Variants in CCDC27 observed in about 807,000 individuals in gnomAD.
CCDC27 encodes coiled-coil domain-containing protein 27.
Under a neutral mutation model 80.3 loss-of-function variants are expected in CCDC27, and 80 were observed. The ratio of observed to expected loss-of-function variants is 1.00; its 90% CI spans 0.83 to 1.20. The LOEUF (loss-of-function observed/expected upper bound fraction) is 1.20. Ranked by LOEUF, CCDC27 falls within the 50% of genes most tolerant of loss-of-function variation. The probability of loss-of-function intolerance (pLI) is 0.00; values close to 1 mark genes in which losing one functional copy is unlikely to be tolerated. For synonymous variants in CCDC27, 342 were observed against 334.3 expected (o/e 1.02, Z -0.25); for missense variants, 815 against 809.4 (o/e 1.01, Z -0.08).
intron 8 of CCDC27, among the ~76,000 whole-genome samples, chr1:3,764,139 C>A (rs955305817): frequency 6.6e-6 from 1 of 152,222 alleles, no homozygotes; most frequent in Non-Finnish European, 1.5e-5. Context: ...CATCTCCTGG[C>A]CCCTGAGTCC....
intron 3 of CCDC27, chr1:3,756,420 C>A: frequency 4.1e-6 from 1 of 243,738 alleles, no homozygotes; most frequent in Admixed American, 5.2e-5. Flanking sequence ...GAGACAGCAT[C>A]AGGATGACCC....
rs202115446 is a variant in CCDC27 at position 3,763,338 on chromosome 1, C to T, written c.1185C>T (p.Ile395=). The change falls in exon 7 of 12, where the codon ATC becomes ATT. Residue 395 remains isoleucine, a synonymous_variant. Coordinates refer to ENST00000294600, the MANE Select transcript of CCDC27 (RefSeq NM_152492.3). The surrounding 1 kb of genome is among the most constrained non-coding windows in gnomAD (Gnocchi z 7.5). ...GGGAGCTGCCGGAGGAAGAGGAGAT[C>T]CCCAGGAGAAGGGCCTCCTCCCTGG... ...EERELPEEEE[I]PRRRASSLAE... is the part of the protein sequence containing the mutation. The T allele has an allele frequency of 6.2e-7, 1 of 1,612,936 alleles. No homozygotes were observed. Among genetic ancestry groups the T allele is most frequent in the Admixed American group, 1.7e-5 (1 of 59,910 alleles).
At position 3,763,286 on chromosome 1, in the gene CCDC27, G is replaced by A; in HGVS notation, c.1133G>A (p.Gly378Glu). Residue 378 changes from glycine (G) to glutamate (E), a missense_variant, in exon 7 of 12, where the codon GGG becomes GAG. Gly to Glu is a moderately conservative substitution (Grantham distance 98, BLOSUM62 -2). Transcript: ENST00000294600. This position sits in a 1 kb window ranked among gnomAD's most constrained non-coding sequence, Gnocchi z 7.5. ...EGSEEEEEEE[G>E]DRDEDSEERE... ...AGCGAGGAGGAGGAAGAGGAGGAAG[G>A]GGACAGGGATGAGGACTCAGAGGAA... 1 of 1,597,752 alleles carries A rather than the reference G, an allele frequency of 6.3e-7. No individual in the cohort carries two copies. Among genetic ancestry groups the A allele is most frequent in the Non-Finnish European group, 8.5e-7 (1 of 1,171,718 alleles).
chr1:3,769,753 C>T lies in CCDC27; in HGVS notation c.1744-30C>T, dbSNP rs771227397. The T allele has an allele frequency of 9.5e-5, 147 of 1,548,798 alleles. No individual in the cohort carries two copies. The highest frequency in any genetic ancestry group is 1.2e-4 in the African/African-American group (9 of 73,502). ...GGCCAGGTGCCTTCTTGGGTAAAGG[C>T]GAATGATAGTGTTGTCCCTTTGCTC... On this transcript the variant is annotated intron_variant, in intron 10 of 11. Coordinates refer to ENST00000294600, the MANE Select transcript of CCDC27 (RefSeq NM_152492.3). The surrounding 1 kb of genome is among the most constrained non-coding windows in gnomAD (Gnocchi z 4.6).
At chr1:3,754,537 TGGA>T (rs1642906599) in intron 2 of CCDC27, among the ~76,000 whole-genome samples, 1 of 151,492 alleles carries the variant, frequency 6.6e-6, no homozygotes. Flanking sequence ...GCTAGGGGAG[TGGA>T]AATGGTTGAA....
At chr1:3,753,786 C>A (rs1642880175) in intron 1 of CCDC27, among the ~76,000 whole-genome samples, 1 of 152,144 alleles carries the variant, frequency 6.6e-6, no homozygotes, top group South Asian at 2.1e-4. Context: ...TGACCAGCAG[C>A]ATGTGTGGGT....
Position 3,755,447 on chromosome 1 carries a change from C to T in CCDC27, c.443-10C>T. 1 of 1,611,558 alleles carries T rather than the reference C, an allele frequency of 6.2e-7. No individual in the cohort carries two copies. Among genetic ancestry groups the T allele is most frequent in the Non-Finnish European group, 8.5e-7 (1 of 1,177,704 alleles). On this transcript the variant is annotated splice_polypyrimidine_tract_variant and intron_variant, in intron 2 of 11. Transcript: ENST00000294600. ...AGCAGTCACCAGATGGCATCTTTAA[C>T]ACTCTACAGGTTCACCCACTGAGGC...
intron 11 of CCDC27, among the ~76,000 whole-genome samples, chr1:3,770,559 G>T (rs1326478823): frequency 6.6e-6 from 1 of 152,246 alleles, no homozygotes; most frequent in Non-Finnish European, 1.5e-5. Flanking sequence ...ATGGCTCTGT[G>T]TGGGGCTGTG....
Position 3,766,543 on chromosome 1 carries a change from C to A in CCDC27, c.1461C>A (p.Asn487Lys), listed in dbSNP as rs1363141363. 1.2e-6 allele frequency: 2 copies of A among 1,613,578 alleles called. No homozygotes were observed. The highest frequency in any genetic ancestry group is 1.7e-5 in the Admixed American group (1 of 59,948). ...QLQAMTDKFS[N>K]LREDKKHQEM... Reference sequence around the variant, plus strand: ...CTTCTGTCTCCTTCCAGTTCTCCAACCTCCGAGAAGATAAGAAACACCAAG... The same window carrying A: ...CTTCTGTCTCCTTCCAGTTCTCCAAACTCCGAGAAGATAAGAAACACCAAG... Residue 487 changes from asparagine to lysine, a missense_variant, in exon 9 of 12, where the codon AAC (asparagine) becomes AAA (lysine). By Grantham distance (94) the Asn-to-Lys change is moderately conservative. Coordinates refer to ENST00000294600, the MANE Select transcript of CCDC27 (RefSeq NM_152492.3). The surrounding 1 kb of genome is among the most constrained non-coding windows in gnomAD (Gnocchi z 6.1).
rs1426068935 is a variant in CCDC27 at position 3,769,101 on chromosome 1, G to A, written c.1744-682G>A. On this transcript the variant is annotated intron_variant, in intron 10 of 11. Coordinates refer to ENST00000294600, the MANE Select transcript of CCDC27 (RefSeq NM_152492.3). This position sits in a 1 kb window ranked among gnomAD's most constrained non-coding sequence, Gnocchi z 4.6. ...ACGAGGAACTCGTGCTGAGCGTGCC[G>A]CATAACTCAAGGGGTTCCTGTCTGA... is the stretch of plus-strand genomic sequence containing the variant. 1.3e-5 allele frequency among the ~76,000 whole-genome samples: 2 copies of A among 152,182 alleles called. No individual in the cohort carries two copies. The highest frequency in any genetic ancestry group is 4.8e-5 in the African/African-American group (2 of 41,430).
In CCDC27 at chr1:3,763,449, C is replaced by G. The variant is rs537823558; in HGVS notation, c.1296C>G (p.Thr432=). 1 of 1,608,286 alleles carries G rather than the reference C, an allele frequency of 6.2e-7. No individual in the cohort carries two copies. Among genetic ancestry groups the G allele is most frequent in the Admixed American group, 1.7e-5 (1 of 59,608 alleles). The change falls in exon 7 of 12, where the codon ACC becomes ACG. Residue 432 remains threonine (T), a synonymous_variant. Transcript: ENST00000294600. This position sits in a 1 kb window ranked among gnomAD's most constrained non-coding sequence, Gnocchi z 7.5. ...ILDFQFNLEA[T]RTRYSLATGV... ...ACTTCCAGTTCAACCTGGAGGCCAC[C>G]AGGACCAGATACTCCCTTGCAACAG...
intron 1 of CCDC27, 81 bp downstream of exon 1, chr1:3,752,880 C>A: frequency 6.9e-7 from 1 of 1,451,794 alleles, no homozygotes; most frequent in Non-Finnish European, 9.3e-7. Flanking sequence ...ATAGAGCTGT[C>A]AGCCCACAAA....
rs1252078568 is a variant in CCDC27, at chr1:3,771,561, G to C, written c.*38G>C. On this transcript the variant is annotated 3_prime_UTR_variant, in exon 12 of 12. Transcript: ENST00000294600. ...CCCCAAATACGGTCAGCCCAGCAGA[G>C]GCCGGGGCCCAGCTCCAGAACCACC... 6 of 1,607,734 alleles carry C rather than the reference G, an allele frequency of 3.7e-6. No homozygotes were observed. Among genetic ancestry groups the C allele is most frequent in the Non-Finnish European group, 5.1e-6 (6 of 1,178,522 alleles).
chr1:3,767,284 G>A lies in CCDC27; in HGVS notation c.1582G>A (p.Glu528Lys). Reference sequence around the variant, plus strand: ...CACCAAGCGGGACTGTGTCATCTCAGAGTTGGACACCAAGGTCAGCCAGCT... The same window carrying A: ...CACCAAGCGGGACTGTGTCATCTCAAAGTTGGACACCAAGGTCAGCCAGCT... ...KLTKRDCVIS[E>K]LDTKVSQLQE... Residue 528 changes from glutamate to lysine, a missense_variant, in exon 10 of 12, where the codon GAG becomes AAG. Glu to Lys is a moderately conservative substitution (Grantham distance 56, BLOSUM62 1). Transcript: ENST00000294600. 6.2e-7 allele frequency: 1 copy of A among 1,614,130 alleles called. No homozygotes were observed. Among genetic ancestry groups the A allele is most frequent in the Non-Finnish European group, 8.5e-7 (1 of 1,180,042 alleles).
rs761610912 is a variant in CCDC27, at chr1:3,769,316, C to G, written c.1744-467C>G. Among the ~76,000 whole-genome samples, 7 of 152,032 alleles carry G rather than the reference C, an allele frequency of 4.6e-5. No individual in the cohort carries two copies. Among genetic ancestry groups the G allele is most frequent in the Non-Finnish European group, 1.5e-5 (1 of 67,952 alleles). On this transcript the variant is annotated intron_variant, in intron 10 of 11. Coordinates refer to ENST00000294600, the MANE Select transcript of CCDC27 (RefSeq NM_152492.3). The surrounding 1 kb of genome is among the most constrained non-coding windows in gnomAD (Gnocchi z 4.6). Reference sequence around the variant, plus strand: ...CTGCTGTCCATGGCACAGACACCTCCTAGTCAGCATGGAAAGGAGGAAGCA... The same window carrying G: ...CTGCTGTCCATGGCACAGACACCTCGTAGTCAGCATGGAAAGGAGGAAGCA...
intron 3 of CCDC27, 79 bp from the exon 4 acceptor site, chr1:3,756,654 G>A: frequency 6.7e-7 from 1 of 1,501,206 alleles, no homozygotes; most frequent in Non-Finnish European, 9.2e-7. Context: ...TCGGAAGGGT[G>A]GATGTCGTCA....
Position 3,763,551 on chromosome 1 carries a change from GC to G in CCDC27, c.1321+79del, listed in dbSNP as rs1643148153. On this transcript the variant is annotated intron_variant, in intron 7 of 11. Coordinates refer to ENST00000294600, the MANE Select transcript of CCDC27 (RefSeq NM_152492.3). The surrounding 1 kb of genome is among the most constrained non-coding windows in gnomAD (Gnocchi z 7.5). ...CCAGGAGCTGGGACGCCCAGACGCT[GC>G]CTGCTCTGGTCAGTGAGCTGGAGCA... 1.3e-6 allele frequency: 2 copies of G among 1,549,140 alleles called. No individual in the cohort carries two copies. Among genetic ancestry groups the G allele is most frequent in the Middle Eastern group, 2.3e-4 (1 of 4,264 alleles).
intron 5 of CCDC27, among the ~76,000 whole-genome samples, chr1:3,762,188 A>G (rs1254254480): frequency 3.3e-5 from 5 of 152,144 alleles, no homozygotes; most frequent in Non-Finnish European, 7.4e-5. Context: ...GACCATGCCA[A>G]CTGCCCTAAA....
At chr1:3,771,370 G>A in intron 11 of CCDC27, 31 bp from the exon 12 acceptor site, 1 of 1,613,362 alleles carries the variant, frequency 6.2e-7, no homozygotes, top group Non-Finnish European at 8.5e-7. Context: ...GAACTGGGAA[G>A]GCCACCTCGA....
Sources: allele counts gnomAD v4.1 joint callset (sites outside exome capture counted in the v4.1 genomes callset), GRCh38; gene constraint gnomAD v4.1.1; non-coding constraint Gnocchi (gnomAD v3.1); transcripts MANE v1.5; gene names NCBI Gene and HGNC (gene_info 2026-07-23, HGNC 2026-07-21).